FAM107B: variants seen among roughly 807,000 people sequenced by gnomAD.
The protein encoded by FAM107B is family with sequence similarity 107 member B.
FAM107B carries 21 observed loss-of-function variants against 31.5 expected under a neutral mutation model. The ratio of observed to expected loss-of-function variants is 0.67; its 90% CI spans 0.47 to 0.96. The LOEUF is 0.96. Ranked by LOEUF, FAM107B falls within the 40% of genes least tolerant of loss-of-function variation. The pLI is 0.00. For synonymous variants in FAM107B, 157 were observed against 141.5 expected (o/e 1.11, Z -0.78); for missense variants, 452 against 377.1 (o/e 1.20, Z -1.64).
At chr10:14,629,536 G>A (rs1451774585) in intron 2 of FAM107B, among the ~76,000 whole-genome samples, 1 of 124,144 alleles carries the variant, frequency 8.1e-6, no homozygotes, top group Admixed American at 9.2e-5. Flanking sequence ...TTTTTGAGAT[G>A]AAGACTCGCT....
intron 2 of FAM107B, among the ~76,000 whole-genome samples, chr10:14,604,848 ATT>A (rs760809186): frequency 1.9e-4 from 28 of 146,798 alleles, no homozygotes; most frequent in Non-Finnish European, 3.3e-4. Context: ...TCTTTCTCTC[ATT>A]CTCTCCCTCA....
intron 1 of FAM107B, among the ~76,000 whole-genome samples, chr10:14,726,772 A>G (rs761313586): frequency 2.6e-5 from 4 of 152,092 alleles, no homozygotes; most frequent in Non-Finnish European, 5.9e-5. Flanking sequence ...GAGGTCCCCA[A>G]TCTTTTTGGC....
intron 1 of FAM107B, among the ~76,000 whole-genome samples, chr10:14,714,782 G>A (rs568349242): frequency 1.3e-5 from 2 of 152,222 alleles, no homozygotes; most frequent in East Asian, 3.9e-4. Flanking sequence ...TCAAAATAGC[G>A]ACAGAGGCCA....
chr10:14,757,400 C>T (rs1481027356), intron 1 of FAM107B, among the ~76,000 whole-genome samples: 1 of 151,758 alleles, frequency 6.6e-6, no homozygotes, highest in South Asian at 2.1e-4. Flanking sequence ...TTGGACTTGC[C>T]GGCCCCTATA....
chr10:14,637,495 G>A (rs1853529712), intron 2 of FAM107B, among the ~76,000 whole-genome samples: 1 of 152,166 alleles, frequency 6.6e-6, no homozygotes, highest in South Asian at 2.1e-4. Context: ...TTAGCCAGGT[G>A]TGGTGGCTAA....
chr10:14,564,325 A>C (rs990177597), intron 2 of FAM107B, among the ~76,000 whole-genome samples: 1 of 152,088 alleles, frequency 6.6e-6, no homozygotes, highest in African/African-American at 2.4e-5. Context: ...CTTGGGTAGA[A>C]TTCTTCCTCT....
chr10:14,673,212 C>T (rs544759955), intron 1 of FAM107B, among the ~76,000 whole-genome samples: 2 of 152,300 alleles, frequency 1.3e-5, no homozygotes, highest in South Asian at 4.1e-4. Flanking sequence ...CCCTGCAGTG[C>T]TATAGAACAC....
chr10:14,671,058 T>C (rs1854527532), intron 1 of FAM107B, among the ~76,000 whole-genome samples: 1 of 147,278 alleles, frequency 6.8e-6, no homozygotes, highest in Non-Finnish European at 1.5e-5. Flanking sequence ...CCTGATTTCC[T>C]CTTTAAAGCC....
At chr10:14,522,091 C>T (rs1845709232) in intron 3 of FAM107B, 72 bp from the exon 4 acceptor site, 1 of 1,545,946 alleles carries the variant, frequency 6.5e-7, no homozygotes, top group Admixed American at 2.1e-5. Flanking sequence ...AGAAATTTAA[C>T]TTACAATATC....
chr10:14,570,237 T>G lies in FAM107B; in HGVS notation c.470-39722A>C, dbSNP rs113775379. Among the ~76,000 whole-genome samples the G allele has an allele frequency of 1.5e-3, 174 of 113,802 alleles. 2 individuals are homozygous for G. The highest frequency in any genetic ancestry group is 4.4e-3 in the Middle Eastern group (1 of 228). 74.7% of individuals were successfully genotyped at this position (113,802 alleles called of 152,430 possible). On this transcript the variant is annotated intron_variant, in intron 2 of 4. Transcript: ENST00000181796. ...ACCTACCAAAAAAATGTGGTGGGTG[T>G]GTGTGTGTGTGTGTGTGTGTGTGTG...
At chr10:14,548,522 T>C in intron 2 of FAM107B, 2 of 985,432 alleles carry the variant, frequency 2.0e-6, no homozygotes, top group Non-Finnish European at 2.4e-6. Flanking sequence ...GCTTCATCGC[T>C]TGGAGGTGGC....
chr10:14,555,437 C>G (rs1204275999), intron 2 of FAM107B, among the ~76,000 whole-genome samples: 1 of 152,148 alleles, frequency 6.6e-6, no homozygotes, highest in Non-Finnish European at 1.5e-5. Flanking sequence ...GAATCATACT[C>G]CCACTGACAT....
intron 2 of FAM107B, among the ~76,000 whole-genome samples, chr10:14,610,416 A>G (rs1487294424): frequency 2.0e-5 from 3 of 152,220 alleles, no homozygotes; most frequent in Admixed American, 2.0e-4. Flanking sequence ...ATATAACAGA[A>G]GTCCCTTTAT....
chr10:14,539,434 C>A (rs1847956359), intron 2 of FAM107B, among the ~76,000 whole-genome samples: 1 of 151,932 alleles, frequency 6.6e-6, no homozygotes, highest in East Asian at 1.9e-4. Flanking sequence ...TGCATCTTGG[C>A]TAAAAAGAGG....
At chr10:14,554,021 G>T (rs1286370012) in intron 2 of FAM107B, 6 of 819,380 alleles carry the variant, frequency 7.3e-6, no homozygotes, top group Admixed American at 6.2e-5. Context: ...TTGCTGCAAG[G>T]TTTGCCGCCT....
intron 2 of FAM107B, among the ~76,000 whole-genome samples, chr10:14,621,224 G>C (rs1037220766): frequency 1.3e-5 from 2 of 152,166 alleles, no homozygotes; most frequent in African/African-American, 4.8e-5. Flanking sequence ...TCCACAGCCA[G>C]TGAGGAGAGT....
At chr10:14,521,414 A>G (rs1394324614) in intron 4 of FAM107B, 108 bp from the exon 5 acceptor site, 8 of 876,014 alleles carry the variant, frequency 9.1e-6, no homozygotes, top group East Asian at 2.5e-5. Context: ...CACAGAATAA[A>G]TTCTCTCCTG....
At chr10:14,631,844 T>C (rs12249900) in intron 2 of FAM107B, among the ~76,000 whole-genome samples, 24,099 of 152,156 alleles carry the variant, frequency 0.16, 2,158 homozygotes, top group Admixed American at 0.28. Flanking sequence ...TGTGACCCTC[T>C]GTCACCAAAT....
At chr10:14,559,904 G>A (rs1850089546) in intron 2 of FAM107B, among the ~76,000 whole-genome samples, 1 of 152,122 alleles carries the variant, frequency 6.6e-6, no homozygotes, top group Non-Finnish European at 1.5e-5. Context: ...TTGGATTAAA[G>A]GAACTGTAAG....
Sources: allele counts gnomAD v4.1 joint callset (sites outside exome capture counted in the v4.1 genomes callset), GRCh38; gene constraint gnomAD v4.1.1; transcripts MANE v1.5; gene names NCBI Gene and HGNC (gene_info 2026-07-23, HGNC 2026-07-21).